Variants in SAXO1 observed in about 807,000 individuals in gnomAD.
SAXO1 encodes the protein 4930500O09Rik.
A neutral mutation model predicts 17.5 loss-of-function variants in SAXO1; 21 were observed. That is an observed-to-expected ratio of 1.20 (90% CI 0.85 to 1.72). The LOEUF (loss-of-function observed/expected upper bound fraction) is 1.72, where lower values mean the gene tolerates loss of function less well. SAXO1 is among the 40% of genes most tolerant of loss of function. The probability of loss-of-function intolerance (pLI) is 0.00; values close to 1 mark genes in which losing one functional copy is unlikely to be tolerated. For missense variants in SAXO1, 843 were observed against 596.0 expected (o/e 1.41, Z -4.32); for synonymous variants, 274 against 216.5 (o/e 1.27, Z -2.33).
At chr9:19,003,279 G>C (rs565493138) in intron 1 of SAXO1, among the ~76,000 whole-genome samples, 168 of 152,278 alleles carry the variant, frequency 1.1e-3, no homozygotes, top group Non-Finnish European at 1.8e-3. Context: ...CCATGCGCAT[G>C]GATAGGAAGA....
chr9:19,047,669 TA>T (rs1209295429), intron 1 of SAXO1, among the ~76,000 whole-genome samples: 1 of 152,178 alleles, frequency 6.6e-6, no homozygotes, highest in Non-Finnish European at 1.5e-5. Flanking sequence ...TACTGGCTGC[TA>T]AAAGACGATG....
chr9:18,979,826 G>A (rs538917626), intron 1 of SAXO1, among the ~76,000 whole-genome samples: 4 of 152,176 alleles, frequency 2.6e-5, no homozygotes, highest in Admixed American at 1.3e-4. Context: ...GGGCAAAAGA[G>A]AAAGACCTCA....
At chr9:19,043,541 C>T (rs1390256488) in intron 1 of SAXO1, among the ~76,000 whole-genome samples, 1 of 151,402 alleles carries the variant, frequency 6.6e-6, no homozygotes, top group African/African-American at 2.4e-5. Context: ...CCAAGGCGGG[C>T]AGATCACTTG....
chr9:18,981,212 TGGAAAGAAG>T (rs533253408), intron 1 of SAXO1, among the ~76,000 whole-genome samples: 5 of 152,188 alleles, frequency 3.3e-5, no homozygotes, highest in Non-Finnish European at 7.3e-5. Flanking sequence ...ACCTTGTTAA[TGGAAAGAAG>T]GGAAAGAAAG....
chr9:19,034,872 C>A (rs147413430), upstream of SAXO1, among the ~76,000 whole-genome samples: 77 of 152,318 alleles, frequency 5.1e-4, no homozygotes, highest in African/African-American at 1.8e-3. Flanking sequence ...TAAACATTAT[C>A]CATAAATCTT....
At chr9:19,028,089 G>C (rs1835584120) in intron 1 of SAXO1, 1 of 1,611,966 alleles carries the variant, frequency 6.2e-7, no homozygotes. Context: ...AAGGCATCCT[G>C]GAGGTCCAGG....
At chr9:18,930,011 C>T (rs756875280) in intron 3 of SAXO1, among the ~76,000 whole-genome samples, 2 of 152,202 alleles carry the variant, frequency 1.3e-5, no homozygotes, top group Non-Finnish European at 1.5e-5. Context: ...AAATACAAGG[C>T]TCAGAGGAGC....
At chr9:19,021,796 G>T (rs764774127) in intron 1 of SAXO1, among the ~76,000 whole-genome samples, 3 of 148,032 alleles carry the variant, frequency 2.0e-5, no homozygotes, top group African/African-American at 7.4e-5. Flanking sequence ...AGCAATCTGT[G>T]TCTAGCTAAA....
intron 1 of SAXO1, among the ~76,000 whole-genome samples, chr9:19,043,214 A>G (rs913790297): frequency 6.6e-6 from 1 of 151,062 alleles, no homozygotes; most frequent in Admixed American, 7.0e-5. Context: ...TTCAGCCACA[A>G]AAAAAAAGAA....
intron 1 of SAXO1, among the ~76,000 whole-genome samples, chr9:18,961,095 G>A (rs1236880155): frequency 2.0e-5 from 3 of 151,954 alleles, no homozygotes; most frequent in Admixed American, 2.0e-4. Flanking sequence ...TTATTGAACT[G>A]TACTTAAGGA....
chr9:19,009,427 G>A (rs183659897), intron 1 of SAXO1, among the ~76,000 whole-genome samples: 51 of 152,192 alleles, frequency 3.4e-4, no homozygotes, highest in African/African-American at 1.1e-3. Context: ...AGGAATACCC[G>A]GAGATATAGC....
chr9:19,047,456 A>G (rs915916425), intron 1 of SAXO1, among the ~76,000 whole-genome samples: 1 of 152,246 alleles, frequency 6.6e-6, no homozygotes, highest in African/African-American at 2.4e-5. Context: ...GAGGAAATAC[A>G]TCATCAAACA....
At chr9:18,932,060 C>T (rs117238824) in intron 3 of SAXO1, among the ~76,000 whole-genome samples, 6 of 152,242 alleles carry the variant, frequency 3.9e-5, no homozygotes, top group East Asian at 1.9e-4. Context: ...TTTTGAATTG[C>T]GATAAAGTCC....
chr9:18,935,189 T>C (rs904964132), intron 3 of SAXO1, among the ~76,000 whole-genome samples: 1 of 152,170 alleles, frequency 6.6e-6, no homozygotes, highest in Admixed American at 6.5e-5. Context: ...GCTAGGATTA[T>C]AGACGTGAGC....
intron 1 of SAXO1, among the ~76,000 whole-genome samples, chr9:18,957,166 C>G (rs181013595): frequency 6.6e-6 from 1 of 152,344 alleles, no homozygotes; most frequent in African/African-American, 2.4e-5. Flanking sequence ...CTCTTTCCCA[C>G]TGACCTAAAA....
intron 1 of SAXO1, among the ~76,000 whole-genome samples, chr9:19,030,274 G>C (rs566116338): frequency 3.0e-4 from 46 of 151,672 alleles, no homozygotes; most frequent in Non-Finnish European, 4.9e-4. Flanking sequence ...GGAATCATGG[G>C]AGAAAAAAAA....
intron 1 of SAXO1, among the ~76,000 whole-genome samples, chr9:18,997,070 T>C (rs1834037289): frequency 6.6e-6 from 1 of 152,138 alleles, no homozygotes; most frequent in Non-Finnish European, 1.5e-5. Context: ...CTGAATTACC[T>C]GGTTCATCTC....
At position 18,928,763 on chromosome 9, in the gene SAXO1, G is replaced by T. The variant is rs766358210; in HGVS notation, c.714C>A (p.Thr238=). The change falls in exon 4 of 4, where the codon ACC becomes ACA. Residue 238 remains threonine (T), a synonymous_variant. Transcript: ENST00000380534. ...GGCCCCGGTAGGATTGTTTTTGAGT[G>T]GTAAGGCTTTCAAAGGGGATTTCAC... ...RPCEIPFESL[T]TQKQSYRGLM... 4 of 1,613,992 alleles carry T rather than the reference G, an allele frequency of 2.5e-6. No individual in the cohort carries two copies. The East Asian group carries it at 8.9e-5, about 36-fold the overall frequency.
At chr9:19,046,278 T>TA (rs1836213905) in intron 1 of SAXO1, among the ~76,000 whole-genome samples, 1 of 152,034 alleles carries the variant, frequency 6.6e-6, no homozygotes, top group Non-Finnish European at 1.5e-5. Flanking sequence ...CTGTGGAAAT[T>TA]AAAAATATGA....
Sources: allele counts gnomAD v4.1 joint callset (sites outside exome capture counted in the v4.1 genomes callset), GRCh38; gene constraint gnomAD v4.1.1; transcripts MANE v1.5; gene names NCBI Gene and HGNC (gene_info 2026-07-23, HGNC 2026-07-21).